NEDD9: variants seen among roughly 807,000 people sequenced by gnomAD.
NEDD9 encodes neural precursor cell expressed, developmentally down-regulated 9, also known as enhancer of filamentation 1.
A neutral mutation model predicts 76.6 loss-of-function variants in NEDD9; 26 were observed. The ratio of observed to expected loss-of-function variants is 0.34; its 90% CI spans 0.25 to 0.47. The LOEUF (loss-of-function observed/expected upper bound fraction) is 0.47, where lower values mean the gene tolerates loss of function less well. Ranked by LOEUF, NEDD9 falls within the 20% of genes least tolerant of loss-of-function variation. The probability of loss-of-function intolerance (pLI) is 1.00; values close to 1 mark genes in which losing one functional copy is unlikely to be tolerated. For synonymous variants in NEDD9, 392 were observed against 414.2 expected (o/e 0.95, Z 0.65); for missense variants, 937 against 1,058.5 (o/e 0.89, Z 1.59).
chr6:11,368,195 G>A (rs747162525), intron 1 of NEDD9, among the ~76,000 whole-genome samples: 5 of 152,136 alleles, frequency 3.3e-5, no homozygotes, highest in Non-Finnish European at 7.3e-5. Context: ...CCAGGGCTGG[G>A]GGGTACCCAG....
chr6:11,374,062 C>CTATA (rs1343545865), intron 1 of NEDD9, among the ~76,000 whole-genome samples: 2 of 151,420 alleles, frequency 1.3e-5, no homozygotes, highest in African/African-American at 4.9e-5. Context: ...CTCTCTCTCT[C>CTATA]TCTCTATATA....
At chr6:11,189,628 T>C (rs16871068) in intron 5 of NEDD9, among the ~76,000 whole-genome samples, 2,363 of 152,278 alleles carry the variant, frequency 0.016, 60 homozygotes, top group African/African-American at 0.054. Flanking sequence ...ATTATCCTAC[T>C]TGGTGAGTCT....
intron 2 of NEDD9, among the ~76,000 whole-genome samples, chr6:11,202,108 C>T (rs554642607): frequency 1.3e-5 from 2 of 152,300 alleles, no homozygotes; most frequent in Admixed American, 1.3e-4. Context: ...TATAACCTCA[C>T]CATTCATAGT....
intron 1 of NEDD9, among the ~76,000 whole-genome samples, chr6:11,368,245 C>A (rs911801717): frequency 5.3e-5 from 8 of 152,114 alleles, no homozygotes; most frequent in Non-Finnish European, 1.0e-4. Flanking sequence ...AAAGGCAAAA[C>A]AATGAAGATT....
At chr6:11,269,125 G>C (rs1760254987) in intron 3 of NEDD9, among the ~76,000 whole-genome samples, 1 of 152,228 alleles carries the variant, frequency 6.6e-6, no homozygotes, top group Admixed American at 6.5e-5. Flanking sequence ...TGGGCTGGAA[G>C]TGAGTGATGG....
chr6:11,194,248 G>T (rs900749558), intron 2 of NEDD9, among the ~76,000 whole-genome samples: 4 of 152,084 alleles, frequency 2.6e-5, no homozygotes, highest in Non-Finnish European at 5.9e-5. Context: ...TCATCTCAAA[G>T]TTCATCAGAT....
chr6:11,332,614 G>C (rs1561838157), intron 2 of NEDD9, among the ~76,000 whole-genome samples: 1 of 152,210 alleles, frequency 6.6e-6, no homozygotes. Flanking sequence ...TTTGCACTCT[G>C]TGCTTAACTT....
rs184784807 is a variant in NEDD9, at chr6:11,266,762, G to A, written c.12+39230C>T. 3.3e-5 allele frequency among the ~76,000 whole-genome samples: 5 copies of A among 152,318 alleles called. No homozygotes were observed. The East Asian group carries it at 9.6e-4, about 29-fold the overall frequency. On this transcript the variant is annotated intron_variant, in intron 3 of 3. Transcript: ENST00000397378. ...CAATGGTACCTTCAGTGACCTTGAT[G>A]TAGGGGTCTCTGATCTCAACCCTAC...
chr6:11,374,736 A>C (rs947485510), intron 1 of NEDD9, among the ~76,000 whole-genome samples: 9 of 152,228 alleles, frequency 5.9e-5, no homozygotes, highest in African/African-American at 2.2e-4. Flanking sequence ...CATGGAACCC[A>C]ATCTGCTGGT....
At chr6:11,297,618 T>G (rs915006409) in intron 3 of NEDD9, among the ~76,000 whole-genome samples, 1 of 152,226 alleles carries the variant, frequency 6.6e-6, no homozygotes, top group Non-Finnish European at 1.5e-5. Context: ...GTCTCTCATC[T>G]TCTCCCTTCA....
At chr6:11,210,743 G>GAGGGA (rs1758760591) in intron 2 of NEDD9, among the ~76,000 whole-genome samples, 1 of 145,034 alleles carries the variant, frequency 6.9e-6, no homozygotes, top group Non-Finnish European at 1.5e-5. Flanking sequence ...AAGGGAGGGA[G>GAGGGA]AGGGAAGGAG....
In NEDD9 at chr6:11,191,145, C is replaced by T. The variant is rs1192245761; in HGVS notation, c.724G>A (p.Asp242Asn). 2 of 1,613,658 alleles carry T rather than the reference C, an allele frequency of 1.2e-6. No individual in the cohort carries two copies. The highest frequency in any genetic ancestry group is 2.7e-5 in the African/African-American group (2 of 74,812). ...DEAGLREKDYDFPPPMRQAGR... is the reference protein window; with the variant it reads ...DEAGLREKDYNFPPPMRQAGR... ...GCTTGTCTCATGGGAGGGGGGAAGTCATAGTCTTTTTCCCTAAGCCCTGCT... is the reference window on the plus strand; with the variant it reads ...GCTTGTCTCATGGGAGGGGGGAAGTTATAGTCTTTTTCCCTAAGCCCTGCT... The change falls in exon 5 of 7, where the codon GAC becomes AAC. Residue 242 changes from aspartate to asparagine, a missense_variant. By Grantham distance (23) the Asp-to-Asn change is conservative (BLOSUM62 1). Transcript: ENST00000379446.
At chr6:11,229,850 T>A (rs966417866) in intron 1 of NEDD9, among the ~76,000 whole-genome samples, 10 of 152,250 alleles carry the variant, frequency 6.6e-5, no homozygotes, top group Non-Finnish European at 1.2e-4. Flanking sequence ...TCAGGATTAC[T>A]GCAAGTACCT....
At chr6:11,189,479 G>T (rs373960630) in intron 5 of NEDD9, among the ~76,000 whole-genome samples, 5 of 152,150 alleles carry the variant, frequency 3.3e-5, no homozygotes, top group African/African-American at 1.2e-4. Context: ...GGGCTAGCAG[G>T]GGCCTTAGAA....
At chr6:11,251,034 T>A (rs1426211529) in intron 3 of NEDD9, among the ~76,000 whole-genome samples, 1 of 152,140 alleles carries the variant, frequency 6.6e-6, no homozygotes, top group Non-Finnish European at 1.5e-5. Context: ...GATGATGGGG[T>A]ATAGGATAAG....
At position 11,241,251 on chromosome 6, in the gene NEDD9, GTCT is replaced by G; in HGVS notation, c.13-27527_13-27525del. 6.6e-6 allele frequency among the ~76,000 whole-genome samples: 1 copy of G among 152,292 alleles called. No individual in the cohort carries two copies. The highest frequency in any genetic ancestry group is 1.5e-5 in the Non-Finnish European group (1 of 68,020). ...AAATGAAGGGGAGCAAAGGCATCAGGTCTTCTTCTTGCTAACCTTTGTGCTTCC... is the reference window on the plus strand; with the variant it reads ...AAATGAAGGGGAGCAAAGGCATCAGGTCTTCTTGCTAACCTTTGTGCTTCC... On this transcript the variant is annotated intron_variant, in intron 3 of 3. Coordinates refer to the NEDD9 transcript ENST00000397378. The surrounding 1 kb of genome is among the most constrained non-coding windows in gnomAD (Gnocchi z 4.0).
chr6:11,209,970 C>CTTTTTTTTTT (rs752612102), intron 2 of NEDD9, among the ~76,000 whole-genome samples: 7 of 131,120 alleles, frequency 5.3e-5, no homozygotes, highest in African/African-American at 8.2e-5. Flanking sequence ...AATTCACTGT[C>CTTTTTTTTTT]TTTTTTTTTT....
intron 1 of NEDD9, among the ~76,000 whole-genome samples, chr6:11,221,664 G>A (rs1759149611): frequency 6.6e-6 from 1 of 152,150 alleles, no homozygotes; most frequent in South Asian, 2.1e-4. Flanking sequence ...CATCTTAGAA[G>A]TCAGCACTGT....
In NEDD9 at chr6:11,285,063, C is replaced by T. The variant is rs9468792; in HGVS notation, c.12+20929G>A. 7.0e-3 allele frequency among the ~76,000 whole-genome samples: 1,067 copies of T among 152,180 alleles called. 14 individuals carry two copies. The highest frequency in any genetic ancestry group is 0.025 in the African/African-American group (1,031 of 41,526). ...CAGTTTACCTTCACAACCGGTGTTA[C>T]GTTAAACTGCATAAATGTTAAACTC... is the stretch of plus-strand genomic sequence containing the variant. On this transcript the variant is annotated intron_variant, in intron 3 of 3. Transcript: ENST00000397378.
Sources: gnomAD v4.1 joint callset for allele counts (sites outside exome capture counted in the v4.1 genomes callset) on GRCh38, gnomAD v4.1.1 for gene constraint, Gnocchi (gnomAD v3.1) non-coding constraint, MANE v1.5 for transcripts, NCBI Gene and HGNC (gene_info 2026-07-23, HGNC 2026-07-21) for gene names.